Variants in NIPBL observed in about 807,000 individuals in gnomAD.
NIPBL encodes nipped-B-like protein.
In NIPBL, 19 loss-of-function variants were observed where a neutral mutation model predicts 321.8. That is an observed-to-expected ratio of 0.06 (90% CI 0.04 to 0.09). The LOEUF (loss-of-function observed/expected upper bound fraction) is 0.09, where lower values mean the gene tolerates loss of function less well. Ranked by LOEUF, NIPBL falls within the 10% of genes least tolerant of loss-of-function variation. The pLI is 1.00. For missense variants in NIPBL, 2,210 were observed against 3,327.0 expected (o/e 0.66, Z 8.26); for synonymous variants, 1,106 against 1,114.1 (o/e 0.99, Z 0.14).
At chr5:36,884,253 T>C (rs1384577321) in intron 1 of NIPBL, among the ~76,000 whole-genome samples, 1 of 152,150 alleles carries the variant, frequency 6.6e-6, no homozygotes, top group Non-Finnish European at 1.5e-5. Context: ...GTTGTTAATG[T>C]GGTTGATCTT....
At chr5:36,927,756 G>A (rs1749475763) in intron 1 of NIPBL, among the ~76,000 whole-genome samples, 1 of 152,216 alleles carries the variant, frequency 6.6e-6, no homozygotes, top group African/African-American at 2.4e-5. Context: ...CAAATAGGCA[G>A]TTGGATATAC....
Position 37,049,211 on chromosome 5 carries a change from G to T in NIPBL, c.6864G>T (p.Glu2288Asp). ...AGCTTTATCTCAAACAGGTGCTTGA[G>T]GCATTTTTTCACACCCAGTCAAGTG... ...IMQLYLKQVL[E>D]AFFHTQSSVR... Residue 2288 changes from glutamate to aspartate, a missense_variant, in exon 40 of 47, where the codon GAG (glutamate) becomes GAT (aspartate). Around this residue, in one of 14 missense-constraint regions of NIPBL, gnomAD observed 112 missense variants for 288.3 expected, o/e 0.39. Coordinates refer to ENST00000282516, the MANE Select transcript of NIPBL (RefSeq NM_133433.4). 6.2e-7 allele frequency: 1 copy of T among 1,614,082 alleles called. No homozygotes were observed. Among genetic ancestry groups the T allele is most frequent in the Non-Finnish European group, 8.5e-7 (1 of 1,180,000 alleles).
intron 29 of NIPBL, 114 bp downstream of exon 29, chr5:37,022,504 T>G: frequency 1.0e-6 from 1 of 962,474 alleles, no homozygotes; most frequent in Non-Finnish European, 1.5e-6. Context: ...ATATTTATAT[T>G]GTCAAATTTA....
At chr5:37,035,949 T>C (rs569639929) in intron 32 of NIPBL, among the ~76,000 whole-genome samples, 1 of 152,334 alleles carries the variant, frequency 6.6e-6, no homozygotes, top group East Asian at 1.9e-4. Flanking sequence ...AAAAGAAATC[T>C]ACCGTTATGT....
At chr5:37,060,803 T>G (rs752954374) in intron 44 of NIPBL, 41 bp from the exon 45 acceptor site, 6 of 1,554,372 alleles carry the variant, frequency 3.9e-6, no homozygotes, top group East Asian at 2.3e-5. Flanking sequence ...ATACGTTGTT[T>G]CCATAGTTTT....
At chr5:36,971,572 G>T (rs1243370742) in intron 7 of NIPBL, among the ~76,000 whole-genome samples, 1 of 151,876 alleles carries the variant, frequency 6.6e-6, no homozygotes, top group African/African-American at 2.4e-5. Context: ...CCTTGTTATT[G>T]ATTTGATTGT....
In NIPBL at chr5:37,020,390, CTAACTT is replaced by C. The variant is rs1749486114; in HGVS notation, c.5011-66_5011-61del. On this transcript the variant is annotated intron_variant, in intron 25 of 46. Transcript: ENST00000282516. ...TTTGTATTCCTGTAATGTGAGCACT[CTAACTT>C]TATTAACTTGGAAATCTTGTTGCTA... The C allele has an allele frequency of 2.7e-6, 3 of 1,092,704 alleles. No homozygotes were observed. The Admixed American group carries it at 5.5e-5, about 20-fold the overall frequency. The allele number at this position is 1,092,704 out of a possible 1,614,324, so 67.7% of individuals were successfully genotyped here.
At chr5:37,014,957 G>A (rs1396685991) in intron 22 of NIPBL, among the ~76,000 whole-genome samples, 192 bp downstream of exon 22, 1 of 147,810 alleles carries the variant, frequency 6.8e-6, no homozygotes, top group Admixed American at 6.6e-5. Flanking sequence ...GGACTACACG[G>A]GGGAAAAAAA....
chr5:36,896,226 A>G (rs1481933315), intron 1 of NIPBL, among the ~76,000 whole-genome samples: 1 of 152,234 alleles, frequency 6.6e-6, no homozygotes, highest in Non-Finnish European at 1.5e-5. Flanking sequence ...CCTGTCAAAA[A>G]TCAGTTGAAT....
At chr5:36,997,420 G>T (rs1236455404) in intron 11 of NIPBL, among the ~76,000 whole-genome samples, 1 of 152,158 alleles carries the variant, frequency 6.6e-6, no homozygotes, top group African/African-American at 2.4e-5. Context: ...AAATAGTGGA[G>T]AGTAGAGCCA....
chr5:37,014,162 G>A (rs1395838928), intron 21 of NIPBL, among the ~76,000 whole-genome samples: 3 of 152,298 alleles, frequency 2.0e-5, no homozygotes, highest in Admixed American at 6.5e-5. Context: ...CAGCAGTACC[G>A]TCCAGCTTCG....
intron 1 of NIPBL, among the ~76,000 whole-genome samples, chr5:36,944,574 A>G (rs1050917737): frequency 4.6e-5 from 7 of 152,134 alleles, no homozygotes; most frequent in Non-Finnish European, 7.4e-5. Flanking sequence ...TTTAATATTA[A>G]TATAGAAGTC....
chr5:36,877,339 G>C (rs1399941571), intron 1 of NIPBL, among the ~76,000 whole-genome samples, 161 bp downstream of exon 1: 1 of 152,162 alleles, frequency 6.6e-6, no homozygotes, highest in Non-Finnish European at 1.5e-5. Context: ...CAGCCGCCTT[G>C]GGTAGCGGTG....
chr5:36,885,069 A>T (rs1043507630), intron 1 of NIPBL: 5 of 216,248 alleles, frequency 2.3e-5, no homozygotes, highest in East Asian at 1.5e-4. Context: ...TGCAGTTTTA[A>T]TTTTTTTTTT....
chr5:37,002,002 A>G (rs1180758245), intron 14 of NIPBL, among the ~76,000 whole-genome samples: 5 of 152,140 alleles, frequency 3.3e-5, no homozygotes, highest in Non-Finnish European at 7.4e-5. Context: ...TGTATCATTT[A>G]GGGTCCAAAA....
intron 24 of NIPBL, 35 bp from the exon 25 acceptor site, chr5:37,019,276 A>G (rs1435205938): frequency 7.5e-7 from 1 of 1,331,816 alleles, no homozygotes; most frequent in Admixed American, 1.7e-5. Context: ...CACACCAGTA[A>G]TATCTTTTTT....
Position 37,065,954 on chromosome 5 carries a change from A to G in NIPBL, c.*1062A>G, listed in dbSNP as rs1755316967. Reference sequence around the variant, plus strand: ...TAAAATGATGTCCGGTTATTTTAGAACTAGAGTTGAGATGAATATGACACT... The same window carrying G: ...TAAAATGATGTCCGGTTATTTTAGAGCTAGAGTTGAGATGAATATGACACT... On this transcript the variant is annotated 3_prime_UTR_variant, in exon 47 of 47. Coordinates refer to ENST00000282516, the MANE Select transcript of NIPBL (RefSeq NM_133433.4). 1 of 152,400 alleles carries G rather than the reference A, an allele frequency of 6.6e-6. No homozygotes were observed. The highest frequency in any genetic ancestry group is 1.5e-5 in the Non-Finnish European group (1 of 68,012). 9.4% of individuals were successfully genotyped at this position (152,400 alleles called of 1,614,324 possible).
At chr5:36,885,378 T>C in intron 1 of NIPBL, 1 of 457,092 alleles carries the variant, frequency 2.2e-6, no homozygotes, top group South Asian at 1.7e-5. Context: ...CGCGGCGGCT[T>C]GGGGTCCAGG....
chr5:36,894,842 T>G (rs1746613555), intron 1 of NIPBL, among the ~76,000 whole-genome samples: 1 of 152,194 alleles, frequency 6.6e-6, no homozygotes, highest in Admixed American at 6.5e-5. Flanking sequence ...TTTGTTTTAT[T>G]TTTACCTTAT....
Sources: allele counts gnomAD v4.1 joint callset (sites outside exome capture counted in the v4.1 genomes callset), GRCh38; gene constraint gnomAD v4.1.1; regional missense constraint gnomAD v4.1.1; transcripts MANE v1.5; gene names NCBI Gene and HGNC (gene_info 2026-07-23, HGNC 2026-07-21).